Variants in TNRC6B observed in about 807,000 individuals in gnomAD.
The protein encoded by TNRC6B is trinucleotide repeat-containing gene 6B protein.
TNRC6B carries 52 observed loss-of-function variants against 203.6 expected under a neutral mutation model. That is an observed-to-expected ratio of 0.26 (90% CI 0.20 to 0.32). The LOEUF is 0.32. Among genes scored for constraint, TNRC6B ranks in the 10% least tolerant of loss-of-function variants. The pLI, the probability that TNRC6B is intolerant of heterozygous loss-of-function variation, is 1.00. For missense variants in TNRC6B, 1,923 were observed against 2,286.2 expected, an observed-to-expected ratio of 0.84 and a Z score of 3.24; for synonymous variants, 838 against 845.7, an observed-to-expected ratio of 0.99 and a Z score of 0.16.
rs368652622 is a variant in TNRC6B, at chr22:40,265,820, A to G, written c.1590A>G (p.Gln530=). 27 of 1,613,854 alleles carry G rather than the reference A, an allele frequency of 1.7e-5. No homozygotes were observed. In the Admixed American group the frequency reaches 2.3e-4, roughly 14 times the overall value. The part of the protein sequence containing the change: ...LKIGEWSGPN[Q]PNSSTGAWDN... The stretch of plus-strand genomic sequence containing the variant: ...TTGGAGAATGGAGTGGTCCAAACCA[A>G]CCAAATTCTAGCACTGGAGCATGGG... The change falls in exon 5 of 23, where the codon CAA becomes CAG. Residue 530 remains glutamine, a synonymous_variant. Transcript: ENST00000454349.
chr22:40,281,121 G>C lies in TNRC6B; in HGVS notation c.3414G>C (p.Leu1138=). ...GGCTAACTCCTACTACTTTTCAGCT[G>C]ACTTTGCCTTTCTCCAATCAAGATG... ...TTDSGPYFEK[L]TLPFSNQDGC... The change falls in exon 11 of 23, where the codon CTG becomes CTC. Residue 1138 remains leucine (L), a splice_region_variant and synonymous_variant. Transcript: ENST00000454349. 6.5e-7 allele frequency: 1 copy of C among 1,548,438 alleles called. No homozygotes were observed.
chr22:40,249,356 T>C (rs1460137768), intron 2 of TNRC6B, among the ~76,000 whole-genome samples: 1 of 152,206 alleles, frequency 6.6e-6, no homozygotes, highest in Non-Finnish European at 1.5e-5. Context: ...CTAAATTACC[T>C]CCACACAGAA....
intron 1 of TNRC6B, among the ~76,000 whole-genome samples, chr22:40,217,117 A>G (rs1297830044): frequency 6.6e-6 from 1 of 152,086 alleles, no homozygotes; most frequent in Non-Finnish European, 1.5e-5. Flanking sequence ...GCCCATTTCC[A>G]TACTCTGAAA....
In TNRC6B at chr22:40,088,497, C is replaced by T. The variant is rs183941360; in HGVS notation, c.-120-28558C>T. ...TGCAGTCTCAGCTTACTGCAACCTC[C>T]GCCTCCTAGATTCCAGCAATTCTCC... On this transcript the variant is annotated intron_variant, in intron 1 of 23. Coordinates refer to the TNRC6B transcript ENST00000301923. Among the ~76,000 whole-genome samples the T allele has an allele frequency of 1.2e-4, 18 of 151,918 alleles. 1 individual carries two copies. The highest frequency in any genetic ancestry group is 3.4e-3 in the Middle Eastern group (1 of 294).
At chr22:40,146,534 A>G (rs1465019122) in intron 3 of TNRC6B, among the ~76,000 whole-genome samples, 2 of 150,026 alleles carry the variant, frequency 1.3e-5, no homozygotes, top group African/African-American at 4.9e-5. Flanking sequence ...AGCTGGGATT[A>G]CAGGCATGTG....
chr22:40,282,720 C>T (rs1308064786), intron 11 of TNRC6B, among the ~76,000 whole-genome samples: 2 of 152,234 alleles, frequency 1.3e-5, no homozygotes, highest in East Asian at 1.9e-4. Context: ...GGTTTGTGGA[C>T]ATATTCTATC....
chr22:40,084,325 G>C (rs2068084911), intron 1 of TNRC6B, among the ~76,000 whole-genome samples: 1 of 152,178 alleles, frequency 6.6e-6, no homozygotes, highest in Admixed American at 6.5e-5. Context: ...GACACAAGAT[G>C]AGCTGAGTTT....
At chr22:40,167,619 G>A (rs777411238) in intron 4 of TNRC6B, among the ~76,000 whole-genome samples, 2 of 150,198 alleles carry the variant, frequency 1.3e-5, no homozygotes, top group African/African-American at 2.5e-5. Context: ...CAGGTGCCGT[G>A]GCTCAATCCT....
chr22:40,059,087 G>A (rs927480170), intron 1 of TNRC6B, among the ~76,000 whole-genome samples: 5 of 151,978 alleles, frequency 3.3e-5, no homozygotes, highest in African/African-American at 7.2e-5. Flanking sequence ...GAATCTTTGC[G>A]TTCTGTACAA....
At chr22:40,282,928 G>A (rs920386470) in intron 11 of TNRC6B, among the ~76,000 whole-genome samples, 10 of 152,130 alleles carry the variant, frequency 6.6e-5, no homozygotes, top group African/African-American at 2.4e-4. Flanking sequence ...AATTGTAAAA[G>A]CCTCTTGTAC....
rs1267016711 is a variant in TNRC6B at position 40,315,305 on chromosome 22, A to C, written c.4701A>C (p.Ser1567=). Residue 1567 remains serine, a synonymous_variant, in exon 20 of 23, where the codon TCA becomes TCC. Transcript: ENST00000454349. ...STSAKFPDYK[S]TWSPDPIGHN... ...CAGCAAAGTTCCCTGATTACAAATC[A>C]ACATGGTCCCCAGATCCCATAGGAC... The C allele has an allele frequency of 6.2e-7, 1 of 1,614,026 alleles. No homozygotes were observed. Among genetic ancestry groups the C allele is most frequent in the South Asian group, 1.1e-5 (1 of 91,080 alleles).
At position 40,327,892 on chromosome 22, in the gene TNRC6B, G is replaced by A. The variant is rs2071423105; in HGVS notation, c.*4651G>A. Reference sequence around the variant, plus strand: ...TTTTTAAAACACTTGATTACTAGTGGCTTAGAGGTGTGTACATCTCCTGAA... The same window carrying A: ...TTTTTAAAACACTTGATTACTAGTGACTTAGAGGTGTGTACATCTCCTGAA... On this transcript the variant is annotated 3_prime_UTR_variant, in exon 23 of 23. Coordinates refer to ENST00000454349, the MANE Select transcript of TNRC6B (RefSeq NM_001162501.2). 6.6e-6 allele frequency: 1 copy of A among 151,490 alleles called. No homozygotes were observed. Among genetic ancestry groups the A allele is most frequent in the Non-Finnish European group, 1.5e-5 (1 of 67,908 alleles). 9.4% of individuals were successfully genotyped at this position (151,490 alleles called of 1,614,324 possible). A position where few individuals can be genotyped will look rare whatever the true frequency, so the allele number is the denominator to read the frequency against.
intron 1 of TNRC6B, among the ~76,000 whole-genome samples, chr22:40,203,791 A>C (rs994769720): frequency 1.3e-5 from 2 of 152,226 alleles, no homozygotes; most frequent in Non-Finnish European, 2.9e-5. Context: ...ACCACTGAAT[A>C]TTCTAGCCCC....
Position 40,261,996 on chromosome 22 carries a change from C to T in TNRC6B, c.280C>T (p.Arg94Ter). 1.9e-6 allele frequency: 3 copies of T among 1,610,388 alleles called. No individual in the cohort carries two copies. Among genetic ancestry groups the T allele is most frequent in the Non-Finnish European group, 2.5e-6 (3 of 1,177,742 alleles). ...ARYMPREVPP[R>*]FRCQQDHKVL... The stretch of plus-strand genomic sequence containing the variant: ...CTACATGCCTCGGGAGGTGCCGCCG[C>T]GATTCCGTTGCCAGCAGGACCACAA... Residue 94 changes from arginine to a stop codon, truncating the protein, a stop_gained, in exon 4 of 23, where the codon CGA becomes TGA. Coordinates refer to ENST00000454349, the MANE Select transcript of TNRC6B (RefSeq NM_001162501.2). LOFTEE classifies it high-confidence loss of function.
At chr22:40,295,137 A>G (rs190283913) in intron 12 of TNRC6B, among the ~76,000 whole-genome samples, 40 of 152,336 alleles carry the variant, frequency 2.6e-4, no homozygotes, top group Non-Finnish European at 5.3e-4. Context: ...AGCCTAGTAC[A>G]GGAAACCTGA....
chr22:40,184,188 A>G lies in TNRC6B; in HGVS notation c.5+6048A>G, dbSNP rs1007608040. ...AATTACTGAGTGCTTTTCACATGCC[A>G]GGTGTTGATAAGTACAAGTACAAGC... On this transcript the variant is annotated intron_variant, in intron 1 of 22. Transcript: ENST00000454349. Among the ~76,000 whole-genome samples the G allele has an allele frequency of 9.8e-5, 15 of 152,324 alleles. No individual in the cohort carries two copies. The Middle Eastern group carries it at 0.01, about 104-fold the overall frequency.
At chr22:40,057,418 C>T (rs750053311) in intron 1 of TNRC6B, among the ~76,000 whole-genome samples, 9 of 151,792 alleles carry the variant, frequency 5.9e-5, no homozygotes, top group Non-Finnish European at 1.0e-4. Flanking sequence ...CTCAGCCTCC[C>T]GAGTAGCTGG....
chr22:40,132,361 A>G (rs1396351213), intron 3 of TNRC6B, among the ~76,000 whole-genome samples: 3 of 151,394 alleles, frequency 2.0e-5, no homozygotes, highest in African/African-American at 7.3e-5. Context: ...GTGAAACTCC[A>G]TCTCAATAAA....
Position 40,270,109 on chromosome 22 carries a change from C to G in TNRC6B, c.2807-13C>G. ...TAACAAATGATTCTTAGAGACATTT[C>G]CTTTCTTTATAGTCTGGAGCAAAAG... On this transcript the variant is annotated splice_polypyrimidine_tract_variant and intron_variant, in intron 5 of 22. Transcript: ENST00000454349. 6.3e-7 allele frequency: 1 copy of G among 1,575,350 alleles called. No homozygotes were observed. Among genetic ancestry groups the G allele is most frequent in the South Asian group, 1.2e-5 (1 of 85,744 alleles).
Sources: allele counts gnomAD v4.1 joint callset (sites outside exome capture counted in the v4.1 genomes callset), GRCh38; gene constraint gnomAD v4.1.1; transcripts MANE v1.5; gene names NCBI Gene and HGNC (gene_info 2026-07-23, HGNC 2026-07-21).